FSTL1: variants seen among roughly 807,000 people sequenced by gnomAD.
FSTL1 encodes the protein follistatin-related protein 1.
Under a neutral mutation model 45.9 loss-of-function variants are expected in FSTL1, and 24 were observed. The observed-to-expected ratio is 0.52, with a 90% CI of 0.38 to 0.74. FSTL1 has a LOEUF of 0.74. Among genes scored for constraint, FSTL1 ranks in the 30% least tolerant of loss-of-function variants. The pLI, the probability that FSTL1 is intolerant of heterozygous loss-of-function variation, is 0.00. For synonymous variants in FSTL1, 120 were observed against 137.6 expected (o/e 0.87, Z 0.89); for missense variants, 340 against 381.8 (o/e 0.89, Z 0.91).
At chr3:120,422,915 G>A (rs946589852) in intron 2 of FSTL1, among the ~76,000 whole-genome samples, 1 of 152,130 alleles carries the variant, frequency 6.6e-6, no homozygotes, top group Admixed American at 6.5e-5. Context: ...GGCTGGTCTC[G>A]AATTCCTGAT....
chr3:120,402,459 TTTAA>T (rs995435155), intron 9 of FSTL1, among the ~76,000 whole-genome samples: 3 of 151,958 alleles, frequency 2.0e-5, no homozygotes, highest in African/African-American at 7.2e-5. Flanking sequence ...ATTTTAATGT[TTTAA>T]TTATTAAATA....
intron 2 of FSTL1, among the ~76,000 whole-genome samples, chr3:120,444,367 T>G (rs1369890966): frequency 1.3e-5 from 2 of 149,620 alleles, no homozygotes; most frequent in African/African-American, 5.1e-5. Context: ...TATTGCTGAG[T>G]AGGATTTTCA....
chr3:120,410,485 G>A (rs1937030370), intron 5 of FSTL1: 1 of 304,362 alleles, frequency 3.3e-6, no homozygotes, highest in Non-Finnish European at 6.5e-6. Flanking sequence ...AGGCTACCGT[G>A]AGAATCTAAG....
intron 7 of FSTL1, 26 bp downstream of exon 7, chr3:120,404,827 T>C (rs769256525): frequency 6.2e-6 from 7 of 1,121,022 alleles, no homozygotes; most frequent in Non-Finnish European, 8.2e-6. Context: ...TTGTGGATCA[T>C]TCTCTGACCT....
chr3:120,410,602 C>T (rs1180130301), intron 5 of FSTL1: 3 of 378,022 alleles, frequency 7.9e-6, no homozygotes, highest in Non-Finnish European at 1.5e-5. Context: ...TATCCCCTTT[C>T]AAAAAGAGTT....
chr3:120,424,853 TGA>T (rs1320536895), intron 2 of FSTL1, among the ~76,000 whole-genome samples: 1 of 151,954 alleles, frequency 6.6e-6, no homozygotes, highest in Non-Finnish European at 1.5e-5. Flanking sequence ...TGGGCAATGA[TGA>T]GTCAGTTATG....
intron 6 of FSTL1, among the ~76,000 whole-genome samples, chr3:120,408,125 C>T (rs569503054): frequency 6.6e-6 from 1 of 152,340 alleles, no homozygotes; most frequent in Admixed American, 6.5e-5. Flanking sequence ...CACAGCAGGC[C>T]CTGCAGGTAC....
intron 2 of FSTL1, 28 bp from the exon 3 acceptor site, chr3:120,416,055 G>T: frequency 1.4e-6 from 2 of 1,457,486 alleles, no homozygotes; most frequent in Non-Finnish European, 1.9e-6. Flanking sequence ...AAAGGAAACC[G>T]TGTGACTGAG....
At chr3:120,415,871 G>T in intron 3 of FSTL1, 52 bp downstream of exon 3, 4 of 1,016,474 alleles carry the variant, frequency 3.9e-6, no homozygotes, top group Non-Finnish European at 6.2e-6. Context: ...GCTCCGCAAG[G>T]TACCACATTG....
At chr3:120,412,828 GCGCGCGCGCGCACACACA>G (rs1407002325) in intron 3 of FSTL1, among the ~76,000 whole-genome samples, 1 of 67,446 alleles carries the variant, frequency 1.5e-5, no homozygotes, top group Non-Finnish European at 3.6e-5. Flanking sequence ...GTGCGCGCGC[GCGCGCGCGCGCACACACA>G]CACACACACA....
At position 120,396,725 on chromosome 3, in the gene FSTL1, A is replaced by G; in HGVS notation, c.*227T>C. 1.9e-6 allele frequency: 1 copy of G among 530,918 alleles called. No homozygotes were observed. Among genetic ancestry groups the G allele is most frequent in the South Asian group, 2.6e-5 (1 of 38,814 alleles). 32.9% of individuals were successfully genotyped at this position (530,918 alleles called of 1,614,324 possible). On this transcript the variant is annotated 3_prime_UTR_variant, in exon 11 of 11. Coordinates refer to ENST00000295633, the MANE Select transcript of FSTL1 (RefSeq NM_007085.5). ...TACTAGCCTCCAGCCCCAGAGCACC[A>G]TTTACAGTTTCTCTTAAAGCACTCC... is the stretch of plus-strand genomic sequence containing the variant.
intron 6 of FSTL1, among the ~76,000 whole-genome samples, chr3:120,405,207 G>A (rs1936924995): frequency 1.3e-5 from 2 of 152,166 alleles, no homozygotes; most frequent in African/African-American, 4.8e-5. Flanking sequence ...CTGAACTGAG[G>A]CCTCTGGGGT....
rs113705421 is a variant in FSTL1 at position 120,434,093 on chromosome 3, G to A, written c.63+16591C>T. On this transcript the variant is annotated intron_variant, in intron 2 of 10. Transcript: ENST00000295633. ...AGCCAGGTCGCAGGAGAGAGAAAGCGGAGAGCAGCTAGGTGCTATTGCAAT... is the reference window on the plus strand; with the variant it reads ...AGCCAGGTCGCAGGAGAGAGAAAGCAGAGAGCAGCTAGGTGCTATTGCAAT... Among the ~76,000 whole-genome samples, 1,344 of 152,286 alleles carry A rather than the reference G, an allele frequency of 8.8e-3. 21 individuals are homozygous for A. The highest frequency in any genetic ancestry group is 0.03 in the African/African-American group (1,242 of 41,552).
Position 120,399,911 on chromosome 3 carries a change from C to G in FSTL1, c.854G>C (p.Arg285Thr), listed in dbSNP as rs747040181. The change falls in exon 10 of 11, where the codon AGA becomes ACA. Residue 285 changes from arginine (R) to threonine (T), a missense_variant. By Grantham distance (71) the Arg-to-Thr change is moderately conservative. Transcript: ENST00000295633. ...ATGCTTTTGGAGCTCCTGGACATAT[C>G]TGGTCATCTCCTCCTCTGTCTGGGT... ...AQTQTEEEMT[R>T]YVQELQKHQE... 3.1e-6 allele frequency: 5 copies of G among 1,608,678 alleles called. No homozygotes were observed. The highest frequency in any genetic ancestry group is 2.7e-5 in the African/African-American group (2 of 74,868).
chr3:120,401,481 G>A (rs1936824983), intron 9 of FSTL1, among the ~76,000 whole-genome samples: 2 of 152,050 alleles, frequency 1.3e-5, no homozygotes, highest in Admixed American at 6.6e-5. Flanking sequence ...CTCATCCTGG[G>A]TTTCTGACCT....
chr3:120,450,647 CG>C, intron 2 of FSTL1, 36 bp downstream of exon 2: 5 of 1,296,404 alleles, frequency 3.9e-6, no homozygotes, highest in Admixed American at 2.4e-5. Context: ...CAAGAGGCCC[CG>C]GGGACCGAGT....
intron 3 of FSTL1, among the ~76,000 whole-genome samples, chr3:120,414,857 A>G (rs1186684128): frequency 1.3e-5 from 2 of 151,416 alleles, no homozygotes; most frequent in African/African-American, 4.8e-5. Context: ...ACACTGCGGA[A>G]GGCCGCAGGG....
At chr3:120,428,761 A>AACC (rs1288693400) in intron 2 of FSTL1, among the ~76,000 whole-genome samples, 1 of 151,752 alleles carries the variant, frequency 6.6e-6, no homozygotes, top group Non-Finnish European at 1.5e-5. Flanking sequence ...CAACAACAAC[A>AACC]ACAACAACAA....
chr3:120,450,874 C>CGCGCCGT (rs1937883911), intron 1 of FSTL1, 23 bp downstream of exon 1: 5 of 588,488 alleles, frequency 8.5e-6, no homozygotes, highest in South Asian at 2.3e-5. Flanking sequence ...GTCCGGCCTC[C>CGCGCCGT]GCGCCGTGCG....
Sources: gnomAD v4.1 joint callset for allele counts (sites outside exome capture counted in the v4.1 genomes callset) on GRCh38, gnomAD v4.1.1 for gene constraint, MANE v1.5 for transcripts, NCBI Gene and HGNC (gene_info 2026-07-23, HGNC 2026-07-21) for gene names.